The following PTPRA variants were observed in gnomAD, a reference collection of about 807,000 sequenced individuals.
PTPRA encodes the protein protein tyrosine phosphatase receptor type A, also known as receptor-type tyrosine-protein phosphatase alpha.
Under a neutral mutation model 104.8 loss-of-function variants are expected in PTPRA, and 25 were observed. The ratio of observed to expected loss-of-function variants is 0.24; its 90% CI spans 0.17 to 0.33. PTPRA has a LOEUF of 0.33. PTPRA is among the 10% of genes least tolerant of loss of function. The pLI is 1.00. For synonymous variants in PTPRA, 323 were observed against 368.9 expected, an observed-to-expected ratio of 0.88 and a Z score of 1.43; for missense variants, 765 against 1,015.3, an observed-to-expected ratio of 0.75 and a Z score of 3.35.
chr20:2,869,424 T>C (rs1568632817), upstream of PTPRA, among the ~76,000 whole-genome samples: 1 of 152,226 alleles, frequency 6.6e-6, no homozygotes, highest in Non-Finnish European at 1.5e-5. Context: ...AGCCTATGAA[T>C]TGTGACATTT....
chr20:2,925,411 T>G (rs1044833788), intron 2 of PTPRA, among the ~76,000 whole-genome samples: 3 of 152,262 alleles, frequency 2.0e-5, no homozygotes, highest in African/African-American at 7.2e-5. Flanking sequence ...ATTTTATGGT[T>G]GAATAATATT....
intron 2 of PTPRA, among the ~76,000 whole-genome samples, chr20:2,943,129 A>ATAGGAATGAAATACAGTTTACG: frequency 6.6e-6 from 1 of 151,624 alleles, no homozygotes; most frequent in Non-Finnish European, 1.5e-5. Context: ...GCCTGCATGT[A>ATAGGAATGAAATACAGTTTACG]TAGGAATGAA....
In PTPRA at chr20:3,037,345, G is replaced by A; in HGVS notation, c.2334+56G>A. ...CACACCACCTGCAGCCCTTCTCTCA[G>A]GGAGGAGGCTCTTCAGAGGGGCCCA... On this transcript the variant is annotated intron_variant, in intron 23 of 23. Transcript: ENST00000399903. This position sits in a 1 kb window ranked among gnomAD's most constrained non-coding sequence, Gnocchi z 4.3. The A allele has an allele frequency of 6.3e-7, 1 of 1,599,532 alleles. No individual in the cohort carries two copies. The highest frequency in any genetic ancestry group is 8.5e-7 in the Non-Finnish European group (1 of 1,173,414).
intron 5 of PTPRA, among the ~76,000 whole-genome samples, chr20:2,973,605 A>G (rs991599697): frequency 6.6e-6 from 1 of 152,170 alleles, no homozygotes; most frequent in African/African-American, 2.4e-5. Flanking sequence ...CTGTTTGGTT[A>G]GAGATAGTTC....
intron 9 of PTPRA, among the ~76,000 whole-genome samples, chr20:2,997,027 TC>T (rs1456913569): frequency 4.6e-5 from 7 of 152,230 alleles, no homozygotes; most frequent in African/African-American, 1.7e-4. Context: ...CAAATATCTG[TC>T]AAATAGAATG....
intron 1 of PTPRA, among the ~76,000 whole-genome samples, chr20:2,898,204 C>T (rs2059092076): frequency 6.6e-6 from 1 of 152,076 alleles, no homozygotes; most frequent in Admixed American, 6.5e-5. Context: ...TCACGCCATT[C>T]TCCTGTCTCA....
intron 1 of PTPRA, among the ~76,000 whole-genome samples, chr20:2,912,040 C>A (rs117848318): frequency 3.3e-5 from 5 of 151,390 alleles, no homozygotes; most frequent in Admixed American, 6.6e-5. Flanking sequence ...CCCAGGAGTT[C>A]GAGACAAGCC....
upstream of PTPRA, among the ~76,000 whole-genome samples, chr20:2,870,010 C>T: frequency 6.6e-6 from 1 of 151,484 alleles, no homozygotes. Flanking sequence ...AAGGCTCCTA[C>T]AACTCACCTT....
At chr20:2,889,577 A>G (rs1316607727) in intron 1 of PTPRA, among the ~76,000 whole-genome samples, 2 of 152,244 alleles carry the variant, frequency 1.3e-5, no homozygotes, top group South Asian at 2.1e-4. Context: ...CAAAAGTACT[A>G]CTAGTACCAT....
chr20:2,878,174 G>A (rs2089846318), intron 1 of PTPRA, among the ~76,000 whole-genome samples: 1 of 151,560 alleles, frequency 6.6e-6, no homozygotes, highest in Non-Finnish European at 1.5e-5. Flanking sequence ...AAAAATCACA[G>A]TATAGTATTC....
At chr20:2,903,809 G>A (rs1340843500) in intron 1 of PTPRA, among the ~76,000 whole-genome samples, 2 of 152,110 alleles carry the variant, frequency 1.3e-5, no homozygotes, top group Non-Finnish European at 2.9e-5. Flanking sequence ...TTTGTTTTAG[G>A]TTTATAAGAG....
intron 6 of PTPRA, among the ~76,000 whole-genome samples, chr20:2,976,780 G>A (rs2062449048): frequency 6.6e-6 from 1 of 152,178 alleles, no homozygotes; most frequent in Admixed American, 6.5e-5. Context: ...GGAAATGCTT[G>A]TATTATAATC....
chr20:2,961,052 C>A (rs887681998), intron 3 of PTPRA, among the ~76,000 whole-genome samples: 1 of 152,048 alleles, frequency 6.6e-6, no homozygotes, highest in African/African-American at 2.4e-5. Context: ...CTTGATTGCT[C>A]CCAGTCGTGG....
At chr20:2,989,170 C>G (rs2063036006) in intron 9 of PTPRA, among the ~76,000 whole-genome samples, 1 of 152,230 alleles carries the variant, frequency 6.6e-6, no homozygotes, top group Non-Finnish European at 1.5e-5. Flanking sequence ...CACGGTGACT[C>G]ACGCCTGTAA....
chr20:3,026,973 C>G (rs1185572144), intron 18 of PTPRA, 148 bp from the exon 19 acceptor site: 2 of 1,018,548 alleles, frequency 2.0e-6, no homozygotes, highest in Admixed American at 2.3e-5. Context: ...AACGTAAAAG[C>G]CAAAGGCTTT....
At chr20:2,902,951 C>T (rs1286388192) in intron 1 of PTPRA, among the ~76,000 whole-genome samples, 3 of 152,196 alleles carry the variant, frequency 2.0e-5, no homozygotes, top group Non-Finnish European at 4.4e-5. Flanking sequence ...GTTCAAATCC[C>T]ATCTCTGCTA....
intron 9 of PTPRA, among the ~76,000 whole-genome samples, chr20:3,002,788 A>G (rs181545852): frequency 4.6e-4 from 70 of 152,260 alleles, no homozygotes; most frequent in African/African-American, 1.5e-3. Context: ...AAAACCTTCA[A>G]TGATTTCCTT....
rs749689947 is a variant in PTPRA at position 3,026,678 on chromosome 20, C to T, written c.1615-9C>T. 1.3e-6 allele frequency: 2 copies of T among 1,598,650 alleles called. No individual in the cohort carries two copies. The highest frequency in any genetic ancestry group is 2.2e-5 in the South Asian group (2 of 90,714). Reference sequence around the variant, plus strand: ...ATCAGTAATGTTTCCCCTCCCCTTCCCAATTCAGAAGTTAACATCAATCAA... The same window carrying T: ...ATCAGTAATGTTTCCCCTCCCCTTCTCAATTCAGAAGTTAACATCAATCAA... On this transcript the variant is annotated splice_polypyrimidine_tract_variant and intron_variant, in intron 17 of 23. Transcript: ENST00000399903.
intron 1 of PTPRA, among the ~76,000 whole-genome samples, chr20:2,881,874 C>T (rs1405747294): frequency 6.6e-6 from 1 of 151,958 alleles, no homozygotes; most frequent in Non-Finnish European, 1.5e-5. Context: ...GGTGGGCACA[C>T]CTGTAGTCCC....
Sources: allele counts gnomAD v4.1 joint callset (sites outside exome capture counted in the v4.1 genomes callset), GRCh38; gene constraint gnomAD v4.1.1; non-coding constraint Gnocchi (gnomAD v3.1); transcripts MANE v1.5; gene names NCBI Gene and HGNC (gene_info 2026-07-23, HGNC 2026-07-21).